FILIP1L: variants seen among roughly 807,000 people sequenced by gnomAD.
The protein encoded by FILIP1L is filamin A-interacting protein 1-like.
A neutral mutation model predicts 96.6 loss-of-function variants in FILIP1L; 55 were observed. The ratio of observed to expected loss-of-function variants is 0.57; its 90% CI spans 0.46 to 0.71. FILIP1L has a LOEUF of 0.71. Among genes scored for constraint, FILIP1L ranks in the 30% least tolerant of loss-of-function variants. The pLI is 0.00. For missense variants in FILIP1L, 1,304 were observed against 1,321.2 expected (o/e 0.99, Z 0.20); for synonymous variants, 467 against 473.9 (o/e 0.99, Z 0.19).
chr3:99,863,309 C>G (rs1250148234), intron 4 of FILIP1L, among the ~76,000 whole-genome samples: 1 of 152,198 alleles, frequency 6.6e-6, no homozygotes, highest in East Asian at 1.9e-4. Flanking sequence ...AATGCTGCCT[C>G]ATCCCGCTGC....
chr3:100,095,694 T>A (rs1221819809), intron 1 of FILIP1L, among the ~76,000 whole-genome samples: 1 of 152,134 alleles, frequency 6.6e-6, no homozygotes, highest in East Asian at 1.9e-4. Flanking sequence ...GAGAAACTTT[T>A]CAAGACATTG....
intron 1 of FILIP1L, among the ~76,000 whole-genome samples, chr3:100,026,153 C>T (rs558880633): frequency 6.6e-6 from 1 of 152,152 alleles, no homozygotes; most frequent in Non-Finnish European, 1.5e-5. Context: ...TGTCAAATTG[C>T]CATAGAGGAG....
intron 1 of FILIP1L, among the ~76,000 whole-genome samples, chr3:99,935,121 A>G (rs963253277): frequency 2.0e-5 from 3 of 152,188 alleles, no homozygotes; most frequent in Non-Finnish European, 4.4e-5. Flanking sequence ...CATGAATTTC[A>G]TGATACTCTC....
At chr3:100,097,979 A>T (rs1456292725) in intron 1 of FILIP1L, among the ~76,000 whole-genome samples, 3 of 152,232 alleles carry the variant, frequency 2.0e-5, no homozygotes, top group African/African-American at 7.2e-5. Flanking sequence ...ACAAGGTAAT[A>T]GTGATTTTTA....
rs146512330 is a variant in FILIP1L at position 100,016,906 on chromosome 3, A to T, written c.-10-85876T>A. ...GAGAATTAGTTGTGTCCAAAATATC[A>T]ATCAGAATATTTCCATCTAATTATA... On this transcript the variant is annotated intron_variant, in intron 1 of 5. Transcript: ENST00000477258. Among the ~76,000 whole-genome samples the T allele has an allele frequency of 4.3e-3, 648 of 152,336 alleles. 10 individuals carry two copies. The South Asian group carries it at 0.058, about 14-fold the overall frequency.
At chr3:100,033,558 A>G (rs1343112370) in intron 1 of FILIP1L, among the ~76,000 whole-genome samples, 1 of 152,220 alleles carries the variant, frequency 6.6e-6, no homozygotes, top group Non-Finnish European at 1.5e-5. Context: ...TGCCTGCACC[A>G]AATCATGTAC....
At chr3:99,987,026 C>T (rs182457890) in intron 1 of FILIP1L, among the ~76,000 whole-genome samples, 275 of 151,022 alleles carry the variant, frequency 1.8e-3, no homozygotes, top group African/African-American at 6.4e-3. Context: ...CCCAGGAGTT[C>T]GAGACCAGCC....
intron 4 of FILIP1L, among the ~76,000 whole-genome samples, chr3:99,882,988 A>G (rs992482073): frequency 3.3e-5 from 5 of 152,272 alleles, no homozygotes; most frequent in South Asian, 2.1e-4. Context: ...ATGTAACACC[A>G]TTATCTTGCA....
At chr3:99,863,159 C>T (rs1944344411) in intron 4 of FILIP1L, among the ~76,000 whole-genome samples, 1 of 152,060 alleles carries the variant, frequency 6.6e-6, no homozygotes, top group Admixed American at 6.6e-5. Flanking sequence ...TGAAACTGTC[C>T]CACTCGGATC....
At chr3:99,952,970 T>C (rs989379862) in intron 1 of FILIP1L, among the ~76,000 whole-genome samples, 1 of 152,164 alleles carries the variant, frequency 6.6e-6, no homozygotes, top group Non-Finnish European at 1.5e-5. Flanking sequence ...TCTCATTGAT[T>C]TGGTTTTTGT....
rs148206851 is a variant in FILIP1L, at chr3:99,944,385, G to A, written c.-10-13355C>T. On this transcript the variant is annotated intron_variant, in intron 1 of 5. Transcript: ENST00000477258. ...AGCTGTTCCAAAAAAGATGACAAAG[G>A]CTGCTGATTCAGAGGGGGATACTCA... Among the ~76,000 whole-genome samples, 267 of 152,260 alleles carry A rather than the reference G, an allele frequency of 1.8e-3. 3 individuals are homozygous for A. The highest frequency in any genetic ancestry group is 6.8e-3 in the Middle Eastern group (2 of 294).
At chr3:100,010,241 G>GT (rs931651813) in intron 1 of FILIP1L, 63 of 483,396 alleles carry the variant, frequency 1.3e-4, no homozygotes, top group South Asian at 1.8e-4. Context: ...TTCTCAGTAT[G>GT]TTTTTCCCCC....
intron 1 of FILIP1L, among the ~76,000 whole-genome samples, chr3:100,026,333 G>A (rs932721814): frequency 1.3e-5 from 2 of 152,108 alleles, no homozygotes; most frequent in African/African-American, 4.8e-5. Context: ...CAAGCTGTCT[G>A]CAGGAAACAG....
chr3:99,832,858 GTTGTTT>G (rs1308945134), intron 5 of FILIP1L, among the ~76,000 whole-genome samples: 119 of 111,500 alleles, frequency 1.1e-3, no homozygotes, highest in Non-Finnish European at 1.9e-3. Flanking sequence ...AAAAAAAAAA[GTTGTTT>G]TTTTTTTTTT....
At chr3:99,974,667 A>G (rs1453927601) in intron 1 of FILIP1L, among the ~76,000 whole-genome samples, 2 of 152,186 alleles carry the variant, frequency 1.3e-5, no homozygotes, top group African/African-American at 2.4e-5. Flanking sequence ...AGGTCATGCC[A>G]TTGCACTCCA....
chr3:99,857,453 C>G (rs1180852853), intron 4 of FILIP1L, among the ~76,000 whole-genome samples: 1 of 152,216 alleles, frequency 6.6e-6, no homozygotes, highest in African/African-American at 2.4e-5. Flanking sequence ...TTGGCTTTAT[C>G]AACTCTGCTA....
intron 1 of FILIP1L, among the ~76,000 whole-genome samples, chr3:100,010,677 C>T (rs926915457): frequency 1.3e-4 from 19 of 149,774 alleles, no homozygotes; most frequent in African/African-American, 4.4e-4. Flanking sequence ...TGCAGTGGCT[C>T]GATCTCTGCC....
At chr3:100,077,716 C>A (rs917771919) in intron 1 of FILIP1L, among the ~76,000 whole-genome samples, 2 of 152,086 alleles carry the variant, frequency 1.3e-5, no homozygotes, top group Non-Finnish European at 2.9e-5. Flanking sequence ...TCAAGACCAG[C>A]CTGGGCAACA....
intron 1 of FILIP1L, among the ~76,000 whole-genome samples, chr3:99,933,780 A>G (rs1380743323): frequency 6.6e-6 from 1 of 152,236 alleles, no homozygotes; most frequent in Non-Finnish European, 1.5e-5. Flanking sequence ...TTCATGTCTC[A>G]CATGGCGTAT....
Sources: gnomAD v4.1 joint callset for allele counts (sites outside exome capture counted in the v4.1 genomes callset) on GRCh38, gnomAD v4.1.1 for gene constraint, MANE v1.5 for transcripts, NCBI Gene and HGNC (gene_info 2026-07-23, HGNC 2026-07-21) for gene names.